The following WDFY4 variants were observed in gnomAD, a reference collection of about 807,000 sequenced individuals.
WDFY4 encodes WDFY family member 4.
In WDFY4, 169 loss-of-function variants were observed where a neutral mutation model predicts 351.9. The observed-to-expected ratio is 0.48, with a 90% CI of 0.42 to 0.55. The LOEUF (loss-of-function observed/expected upper bound fraction) is 0.55, where lower values mean the gene tolerates loss of function less well. Among genes scored for constraint, WDFY4 ranks in the 20% least tolerant of loss-of-function variants. The probability of loss-of-function intolerance (pLI) is 0.00; values close to 1 mark genes in which losing one functional copy is unlikely to be tolerated. For missense variants in WDFY4, 3,803 were observed against 3,935.6 expected (o/e 0.97, Z 0.90); for synonymous variants, 1,622 against 1,574.6 (o/e 1.03, Z -0.71).
Position 48,820,211 on chromosome 10 carries a change from G to A in WDFY4, c.5506-23G>A, listed in dbSNP as rs114943431. On this transcript the variant is annotated intron_variant, in intron 32 of 61. Transcript: ENST00000325239. Reference sequence around the variant, plus strand: ...GCTTGAGGCAGGGCAGGCCACTCATGTTGGGGTTCTCTTGTCTTTGAGGGG... The same window carrying A: ...GCTTGAGGCAGGGCAGGCCACTCATATTGGGGTTCTCTTGTCTTTGAGGGG... The A allele has an allele frequency of 1.6e-3, 2,477 of 1,551,450 alleles. 34 individuals are homozygous for A. The African/African-American group carries it at 0.028, about 18-fold the overall frequency.
chr10:48,881,616 C>G (rs908634536), intron 43 of WDFY4, among the ~76,000 whole-genome samples: 1 of 152,180 alleles, frequency 6.6e-6, no homozygotes, highest in Non-Finnish European at 1.5e-5. Context: ...CAGGGAAGAA[C>G]ATAAGAAAGC....
intron 1 of WDFY4, among the ~76,000 whole-genome samples, chr10:48,693,887 C>T (rs1214098658): frequency 1.3e-5 from 2 of 152,192 alleles, no homozygotes; most frequent in African/African-American, 2.4e-5. Flanking sequence ...GGACAGGGAA[C>T]TCAAGAAAAT....
At chr10:48,764,563 C>T (rs1379935200) in intron 13 of WDFY4, among the ~76,000 whole-genome samples, 1 of 152,246 alleles carries the variant, frequency 6.6e-6, no homozygotes, top group Non-Finnish European at 1.5e-5. Flanking sequence ...ATTGGAAGGA[C>T]TTTCCAGTCC....
intron 36 of WDFY4, among the ~76,000 whole-genome samples, chr10:48,827,247 A>G (rs1395796848): frequency 6.6e-6 from 1 of 152,102 alleles, no homozygotes; most frequent in Non-Finnish European, 1.5e-5. Flanking sequence ...AAGCATTATC[A>G]TTTGATAATT....
At chr10:48,791,033 G>T in intron 23 of WDFY4, 116 bp downstream of exon 23, 4 of 1,323,740 alleles carry the variant, frequency 3.0e-6, no homozygotes, top group Non-Finnish European at 4.1e-6. Flanking sequence ...TTCTAGAGAA[G>T]GGCAGCCGAA....
At chr10:48,787,804 CTCCTCTTCTTCTTCT>C (rs1263726942) in intron 20 of WDFY4, among the ~76,000 whole-genome samples, 46 of 70,752 alleles carry the variant, frequency 6.5e-4, no homozygotes, top group Non-Finnish European at 7.3e-4. Flanking sequence ...CCTCCTCCTC[CTCCTCTTCTTCTTCT>C]TCTTCTTCTT....
intron 43 of WDFY4, among the ~76,000 whole-genome samples, chr10:48,886,620 T>G (rs1426877737): frequency 1.3e-5 from 2 of 152,210 alleles, no homozygotes; most frequent in African/African-American, 4.8e-5. Flanking sequence ...GCCAGTGCCA[T>G]GCTCTGGGAC....
At chr10:48,836,461 G>T (rs913326282) in intron 39 of WDFY4, among the ~76,000 whole-genome samples, 3 of 152,192 alleles carry the variant, frequency 2.0e-5, no homozygotes, top group African/African-American at 7.2e-5. Context: ...GTAATTAAAG[G>T]AGTTGGTGTT....
intron 58 of WDFY4, among the ~76,000 whole-genome samples, chr10:48,976,164 A>C (rs1842559400): frequency 6.6e-6 from 1 of 152,216 alleles, no homozygotes; most frequent in Non-Finnish European, 1.5e-5. Context: ...GTGGAGGGGC[A>C]CTGAGCACCC....
At chr10:48,780,961 T>C (rs1280292747) in intron 19 of WDFY4, among the ~76,000 whole-genome samples, 3 of 152,224 alleles carry the variant, frequency 2.0e-5, no homozygotes, top group Non-Finnish European at 4.4e-5. Context: ...GCAGCCAGAA[T>C]GGAGAACCTT....
intron 39 of WDFY4, among the ~76,000 whole-genome samples, chr10:48,843,767 A>C (rs193109706): frequency 5.3e-5 from 8 of 152,358 alleles, no homozygotes; most frequent in Admixed American, 5.2e-4. Flanking sequence ...ATGTACCTGC[A>C]TTCTGAAAAT....
chr10:48,810,582 C>T lies in WDFY4; in HGVS notation c.4891C>T (p.Leu1631=), dbSNP rs1257115339. ...GGGGCCTGACTGGTTCCTGCTGCTC[C>T]TGCAGGGCCACCTGCATGCCAGCAC... ...KLGPDWFLLL[L]QGHLHASTTV... is the part of the protein sequence containing the mutation. Residue 1631 remains leucine, a synonymous_variant, in exon 29 of 62, where the codon CTG becomes TTG. Transcript: ENST00000325239. 1.3e-6 allele frequency: 2 copies of T among 1,551,714 alleles called. No individual in the cohort carries two copies. The highest frequency in any genetic ancestry group is 1.7e-6 in the Non-Finnish European group (2 of 1,147,000).
rs148480569 is a variant in WDFY4 at position 48,861,572 on chromosome 10, A to C, written c.6664-5693A>C. On this transcript the variant is annotated intron_variant, in intron 39 of 61. Coordinates refer to ENST00000325239, the MANE Select transcript of WDFY4 (RefSeq NM_001394531.1). ...TGAAAAAAATCACTGTTAATTAAAT[A>C]CTTTCCCCTCTAGGTAAGGTGTTGT... 3.2e-3 allele frequency among the ~76,000 whole-genome samples: 485 copies of C among 152,260 alleles called. 1 individual carries two copies. The highest frequency in any genetic ancestry group is 0.011 in the African/African-American group (459 of 41,558).
intron 40 of WDFY4, among the ~76,000 whole-genome samples, chr10:48,871,108 G>T (rs933908557): frequency 1.3e-5 from 2 of 151,872 alleles, no homozygotes; most frequent in East Asian, 3.9e-4. Flanking sequence ...TAATTTTTTT[G>T]TATTTTTTAG....
rs537213971 is a variant in WDFY4 at position 48,873,648 on chromosome 10, G to T, written c.6899G>T (p.Arg2300Leu). The T allele has an allele frequency of 1.3e-6, 2 of 1,551,820 alleles. No individual in the cohort carries two copies. The highest frequency in any genetic ancestry group is 2.0e-5 in the Admixed American group (1 of 51,008). Residue 2300 changes from arginine (R) to leucine (L), a missense_variant, in exon 41 of 62, where the codon CGC becomes CTC. Arg to Leu is a moderately radical substitution (Grantham distance 102). Around this residue, in one of 3 missense-constraint regions of WDFY4, gnomAD observed 3,054 missense variants for 3,148.6 expected, o/e 0.97. Coordinates refer to ENST00000325239, the MANE Select transcript of WDFY4 (RefSeq NM_001394531.1). ...WREGPARMRK[R>L]IKRLSPLEAL... ...GAAGGACCAGCTCGAATGAGGAAAC[G>T]CATCAAACGCTTGTCTCCTTTGGAG...
chr10:48,779,850 G>C, intron 18 of WDFY4, 91 bp from the exon 19 acceptor site: 1 of 1,428,892 alleles, frequency 7.0e-7, no homozygotes, highest in Non-Finnish European at 9.5e-7. Context: ...ACAAGGCCCA[G>C]TGGTTGACGT....
chr10:48,888,075 A>G (rs183824952), intron 43 of WDFY4, among the ~76,000 whole-genome samples: 29 of 152,352 alleles, frequency 1.9e-4, no homozygotes, highest in African/African-American at 7.0e-4. Flanking sequence ...TTGTGTAAAA[A>G]AGAATATGTA....
intron 23 of WDFY4, among the ~76,000 whole-genome samples, chr10:48,791,396 T>C (rs2066675064): frequency 6.6e-6 from 1 of 152,274 alleles, no homozygotes; most frequent in Non-Finnish European, 1.5e-5. Context: ...GTTAGAATTA[T>C]GTCAGGCCCA....
At position 48,754,161 on chromosome 10, in the gene WDFY4, T is replaced by G. The variant is rs141103535; in HGVS notation, c.2460-6186T>G. ...CTTTTAATATGCTGTTGAATTTAGT[T>G]TGCTAGCATTTTGTTTAGGATTTTG... is the stretch of plus-strand genomic sequence containing the variant. On this transcript the variant is annotated intron_variant, in intron 12 of 61. Transcript: ENST00000325239. 5.4e-4 allele frequency among the ~76,000 whole-genome samples: 82 copies of G among 152,298 alleles called. 1 individual carries two copies. The highest frequency in any genetic ancestry group is 1.9e-3 in the African/African-American group (77 of 41,574).
Sources: gnomAD v4.1 joint callset for allele counts (sites outside exome capture counted in the v4.1 genomes callset) on GRCh38, gnomAD v4.1.1 for gene constraint, gnomAD v4.1.1 regional missense constraint, MANE v1.5 for transcripts, NCBI Gene and HGNC (gene_info 2026-07-23, HGNC 2026-07-21) for gene names.